The following MEFV variants were observed in gnomAD, a reference collection of about 807,000 sequenced individuals.
The protein encoded by MEFV is MEFV innate immunity regulator, pyrin, also known as pyrin.
A neutral mutation model predicts 62.5 loss-of-function variants in MEFV; 60 were observed. The observed-to-expected ratio is 0.96, with a 90% CI of 0.78 to 1.19. The LOEUF (loss-of-function observed/expected upper bound fraction) is 1.19, where lower values mean the gene tolerates loss of function less well. Among genes scored for constraint, MEFV ranks in the 50% most tolerant of loss-of-function variants. MEFV has a pLI of 0.00. For missense variants in MEFV, 1,169 were observed against 1,004.5 expected, an observed-to-expected ratio of 1.16 and a Z score of -2.21; for synonymous variants, 500 against 415.2, an observed-to-expected ratio of 1.20 and a Z score of -2.48.
intron 4 of MEFV, chr16:3,247,478 A>C: frequency 1.8e-6 from 1 of 570,764 alleles, no homozygotes; most frequent in Non-Finnish European, 3.1e-6. Context: ...GTTAAGGTTT[A>C]ACTGTGTCCC....
chr16:3,243,778 A>T (rs1053107486), intron 9 of MEFV, 82 bp downstream of exon 9: 1 of 1,608,628 alleles, frequency 6.2e-7, no homozygotes, highest in African/African-American at 1.3e-5. Flanking sequence ...AAACAGGGAC[A>T]GGGTAGTTCT....
intron 1 of MEFV, among the ~76,000 whole-genome samples, chr16:3,255,973 C>A (rs1301014595): frequency 6.6e-6 from 1 of 152,044 alleles, no homozygotes; most frequent in East Asian, 2.0e-4. Flanking sequence ...GATTGCATAG[C>A]AATCCCTTTT....
intron 7 of MEFV, 74 bp downstream of exon 7, chr16:3,244,399 G>T (rs1958908745): frequency 1.3e-6 from 2 of 1,593,422 alleles, no homozygotes; most frequent in Admixed American, 1.7e-5. Context: ...GGAGGGAAGT[G>T]AGGGGCTCTG....
chr16:3,255,027 C>A (rs993369755), intron 1 of MEFV, among the ~76,000 whole-genome samples: 16 of 152,166 alleles, frequency 1.1e-4, no homozygotes, highest in African/African-American at 3.9e-4. Context: ...ACTAAAAATA[C>A]AAAAATAAGC....
Position 3,243,571 on chromosome 16 carries a change from C to G in MEFV, c.1916G>C (p.Cys639Ser). 6.2e-7 allele frequency: 1 copy of G among 1,609,534 alleles called. No homozygotes were observed. The highest frequency in any genetic ancestry group is 8.5e-7 in the Non-Finnish European group (1 of 1,177,358). The change falls in exon 10 of 10, where the codon TGT becomes TCT. Residue 639 changes from cysteine (C) to serine (S), a missense_variant. Physicochemically the swap from Cys to Ser is moderately radical, Grantham distance 112. Coordinates refer to ENST00000219596, the MANE Select transcript of MEFV (RefSeq NM_000243.3). The part of the protein sequence containing the change: ...LPDGPQRFDS[C>S]IIVLGSPSFL... ...ACTCGGAGAGCCCAGAACAATGATA[C>G]AGCTGTCAAATCTTTGCGGGCCATC... is the stretch of plus-strand genomic sequence containing the variant.
chr16:3,254,381 G>A lies in MEFV; in HGVS notation c.687C>T (p.Phe229=), dbSNP rs1386061265. The A allele has an allele frequency of 9.9e-6, 16 of 1,613,996 alleles. No individual in the cohort carries two copies. Among genetic ancestry groups the A allele is most frequent in the Non-Finnish European group, 1.3e-5 (15 of 1,180,030 alleles). The change falls in exon 2 of 10, where the codon TTC becomes TTT. Residue 229 remains phenylalanine (F), a synonymous_variant. Coordinates refer to ENST00000219596, the MANE Select transcript of MEFV (RefSeq NM_000243.3). ...GAPGQKECRP[F]EVYLPSGKMR... ...TCTTTCCCGAGGGCAGGTACACTTC[G>A]AAGGGCCTGCACTCCTTCTGCCCCG...
chr16:3,247,054 CCAGTTCCCCAAT>C lies in MEFV; in HGVS notation c.1537_1548del (p.Ile513_Leu516del). 6.2e-7 allele frequency: 1 copy of C among 1,614,180 alleles called. No individual in the cohort carries two copies. The highest frequency in any genetic ancestry group is 8.5e-7 in the Non-Finnish European group (1 of 1,180,020). On this transcript the variant is annotated inframe_deletion, in exon 5 of 10. Coordinates refer to ENST00000219596, the MANE Select transcript of MEFV (RefSeq NM_000243.3). ...CATTCTGACTGGCACTCCTTGGCCTCCAGTTCCCCAATCAGCGCATCGAGCAGGGCGATGTCC... is the reference window on the plus strand; with the variant it reads ...CATTCTGACTGGCACTCCTTGGCCTCCAGCGCATCGAGCAGGGCGATGTCC...
Position 3,254,311 on chromosome 16 carries a change from C to T in MEFV, c.757G>A (p.Ala253Thr). Residue 253 changes from alanine (A) to threonine (T), a missense_variant, in exon 2 of 10, where the codon GCG (alanine) becomes ACG (threonine). Ala to Thr is a moderately conservative substitution (Grantham distance 58). Transcript: ENST00000219596. ...LEVTISTGEK[A>T]PANPEILLTL... The stretch of plus-strand genomic sequence containing the variant: ...AGGAGAATTTCTGGATTTGCGGGCG[C>T]CTTCTCCCCTGTAGAAATGGTGACC... 6.2e-7 allele frequency: 1 copy of T among 1,614,256 alleles called. No individual in the cohort carries two copies. Among genetic ancestry groups the T allele is most frequent in the Non-Finnish European group, 8.5e-7 (1 of 1,180,046 alleles).
At chr16:3,249,829 T>G in intron 2 of MEFV, 49 bp from the exon 3 acceptor site, 1 of 1,494,858 alleles carries the variant, frequency 6.7e-7, no homozygotes, top group Non-Finnish European at 9.2e-7. Flanking sequence ...CCCAAGTTGC[T>G]TACACAGAGG....
At chr16:3,243,962 C>T in intron 8 of MEFV, 70 bp from the exon 9 acceptor site, 1 of 1,599,138 alleles carries the variant, frequency 6.3e-7, no homozygotes, top group Non-Finnish European at 8.5e-7. Context: ...ATTACACTGT[C>T]CTGACAACAA....
rs104895092 is a variant in MEFV at position 3,243,438 on chromosome 16, C to T, written c.2049G>A (p.Ser683=). ...SISRKGNMTL[S]PENGYWVVIM... is the part of the protein sequence containing the mutation. The stretch of plus-strand genomic sequence containing the variant: ...TCACCACCCAGTAGCCATTCTCTGG[C>T]GACAGAGTCATGTTCCCTTTCCTGC... The change falls in exon 10 of 10, where the codon TCG becomes TCA. Residue 683 remains serine, a synonymous_variant. Transcript: ENST00000219596. 109 of 1,614,012 alleles carry T rather than the reference C, an allele frequency of 6.8e-5. No homozygotes were observed. Among genetic ancestry groups the T allele is most frequent in the South Asian group, 1.9e-4 (17 of 91,082 alleles).
In MEFV at chr16:3,254,158, C is replaced by T. The variant is rs75977701; in HGVS notation, c.910G>A (p.Gly304Arg). The T allele has an allele frequency of 2.2e-3, 3,576 of 1,613,990 alleles. 35 individuals are homozygous for T. In the East Asian group the frequency reaches 0.022, roughly 10 times the overall value. ...TAAAGTAGGAAAGAACACAATTTAC[C>T]GGTGACCGAATGTTCTGGATTTCCA... The part of the protein sequence containing the change: ...GPGNPEHSVT[G>R]RPPDTAASPR... Residue 304 changes from glycine (G) to arginine (R), a missense_variant and splice_region_variant, in exon 2 of 10, where the codon GGA becomes AGA. Gly to Arg is a moderately radical substitution (Grantham distance 125). Transcript: ENST00000219596.
At chr16:3,246,586 C>G (rs778427806) in intron 5 of MEFV, 39 bp from the exon 6 acceptor site, 1 of 1,613,740 alleles carries the variant, frequency 6.2e-7, no homozygotes, top group South Asian at 1.1e-5. Flanking sequence ...TTACCAGGCT[C>G]CTAGTGGCTG....
chr16:3,243,965 GACA>G (rs1311225097), intron 8 of MEFV, 73 bp from the exon 9 acceptor site: 1 of 1,595,960 alleles, frequency 6.3e-7, no homozygotes, highest in Admixed American at 1.8e-5. Flanking sequence ...ACACTGTCCT[GACA>G]ACAAGGAAAG....
In MEFV at chr16:3,243,008, C is replaced by T. The variant is rs2075849; in HGVS notation, c.*133G>A. On this transcript the variant is annotated 3_prime_UTR_variant, in exon 10 of 10. Coordinates refer to ENST00000219596, the MANE Select transcript of MEFV (RefSeq NM_000243.3). The stretch of plus-strand genomic sequence containing the variant: ...ACCTCTGCTATAATCGGGTAGGCTC[C>T]GTGGGCACAGTAACTATTTTGTTAT... 19,210 of 1,027,446 alleles carry T rather than the reference C, an allele frequency of 0.019. 1,930 individuals are homozygous for T. The East Asian group carries it at 0.29, about 16-fold the overall frequency. The allele number at this position is 1,027,446 out of a possible 1,614,324, so 63.6% of individuals were successfully genotyped here. A position where few individuals can be genotyped will look rare whatever the true frequency, so the allele number is the denominator to read the frequency against.
chr16:3,248,846 C>T lies in MEFV; in HGVS notation c.1356+63G>A. Reference sequence around the variant, plus strand: ...GAACCACAGCAGAATCTCGGGGACCCCTGCTCACTCTTCCCACCTTCCTCC... The same window carrying T: ...GAACCACAGCAGAATCTCGGGGACCTCTGCTCACTCTTCCCACCTTCCTCC... On this transcript the variant is annotated intron_variant, in intron 4 of 9. Transcript: ENST00000219596. The T allele has an allele frequency of 1.6e-5, 25 of 1,611,004 alleles. No individual in the cohort carries two copies. The South Asian group carries it at 2.3e-4, about 15-fold the overall frequency.
In MEFV at chr16:3,247,278, T is replaced by C. The variant is rs780130258; in HGVS notation, c.1357-32A>G. On this transcript the variant is annotated intron_variant, in intron 4 of 9. Coordinates refer to ENST00000219596, the MANE Select transcript of MEFV (RefSeq NM_000243.3). ...AGCAGAGGACAGGGAGGTATGGGGG[T>C]CTGTGCTGTGGGTGGACGTGGATGT... The C allele has an allele frequency of 2.9e-5, 47 of 1,602,980 alleles. 1 individual carries two copies. In the African/African-American group the frequency reaches 3.9e-4, roughly 13 times the overall value.
chr16:3,255,043 G>A (rs1020935963), intron 1 of MEFV, among the ~76,000 whole-genome samples: 6 of 152,208 alleles, frequency 3.9e-5, no homozygotes. Context: ...TAAGCTGAGC[G>A]TGGTGGCGCA....
intron 1 of MEFV, among the ~76,000 whole-genome samples, chr16:3,256,092 C>G (rs1021271368): frequency 6.6e-6 from 1 of 152,150 alleles, no homozygotes; most frequent in African/African-American, 2.4e-5. Context: ...TGACCTGCTT[C>G]TTAAAAAACC....
Sources: gnomAD v4.1 joint callset for allele counts (sites outside exome capture counted in the v4.1 genomes callset) on GRCh38, gnomAD v4.1.1 for gene constraint, MANE v1.5 for transcripts, NCBI Gene and HGNC (gene_info 2026-07-23, HGNC 2026-07-21) for gene names.